Variants in TJP1 observed in about 807,000 individuals in gnomAD.
TJP1 encodes tight junction protein ZO-1.
In TJP1, 43 loss-of-function variants were observed where a neutral mutation model predicts 194.2. The ratio of observed to expected loss-of-function variants is 0.22; its 90% CI spans 0.17 to 0.29. The LOEUF is 0.29. Ranked by LOEUF, TJP1 falls within the 10% of genes least tolerant of loss-of-function variation. TJP1 has a pLI of 1.00. For missense variants in TJP1, 1,971 were observed against 2,185.7 expected (o/e 0.90, Z 1.96); for synonymous variants, 801 against 779.0 (o/e 1.03, Z -0.47).
intron 2 of TJP1, among the ~76,000 whole-genome samples, chr15:29,840,467 C>T (rs1431568959): frequency 2.0e-5 from 3 of 152,102 alleles, no homozygotes; most frequent in Non-Finnish European, 2.9e-5. Context: ...TGAGGATAGA[C>T]GAAGGGGCGA....
chr15:29,703,800 G>T (rs1019956510), intron 27 of TJP1, among the ~76,000 whole-genome samples: 1 of 151,912 alleles, frequency 6.6e-6, no homozygotes, highest in Non-Finnish European at 1.5e-5. Context: ...GTGCCACCAC[G>T]CCTGGCTAAT....
intron 2 of TJP1, among the ~76,000 whole-genome samples, chr15:29,842,155 CA>C (rs1567124927): frequency 6.6e-6 from 1 of 152,116 alleles, no homozygotes; most frequent in Non-Finnish European, 1.5e-5. Flanking sequence ...CGACGTATAA[CA>C]AAAGCAGTTG....
chr15:29,802,996 T>G lies in TJP1; in HGVS notation c.28-2294A>C, dbSNP rs561191585. On this transcript the variant is annotated intron_variant, in intron 1 of 27. Coordinates refer to ENST00000614355, the MANE Select transcript of TJP1 (RefSeq NM_001330239.4). ...TGTTAATCAAATGGGAAAATTTATT[T>G]AACATTAAGGGGGGAGCAGGTTGTA... Among the ~76,000 whole-genome samples, 27 of 152,274 alleles carry G rather than the reference T, an allele frequency of 1.8e-4. No homozygotes were observed. The South Asian group carries it at 5.6e-3, about 32-fold the overall frequency.
At chr15:29,755,468 A>G (rs1379826131) in intron 8 of TJP1, among the ~76,000 whole-genome samples, 1 of 152,204 alleles carries the variant, frequency 6.6e-6, no homozygotes, top group Non-Finnish European at 1.5e-5. Flanking sequence ...TAGGCTAAAA[A>G]TTTCTGATTC....
intron 8 of TJP1, chr15:29,759,351 C>G (rs1192029874): frequency 1.3e-5 from 2 of 152,100 alleles, no homozygotes; most frequent in Admixed American, 6.6e-5. Flanking sequence ...TACTGAGGTC[C>G]AATTGACAAA....
At chr15:29,823,936 A>C (rs1223413152), upstream of TJP1, 1 of 151,388 alleles carries the variant, frequency 6.6e-6, no homozygotes, top group African/African-American at 2.4e-5. Flanking sequence ...AAATACAAAA[A>C]TTAGCCTGGT....
chr15:29,734,506 C>CA (rs2043893884), intron 11 of TJP1, 124 bp from the exon 12 acceptor site: 2 of 644,002 alleles, frequency 3.1e-6, no homozygotes, highest in Non-Finnish European at 5.0e-6. Context: ...TTTTTTGAGA[C>CA]AGAGTCTCGC....
intron 5 of TJP1, among the ~76,000 whole-genome samples, chr15:29,763,579 C>CTA (rs1047316905): frequency 1.8e-4 from 28 of 151,770 alleles, no homozygotes; most frequent in African/African-American, 6.8e-4. Flanking sequence ...ACCAGCCTGG[C>CTA]TAGCATGGTA....
At chr15:29,921,116 A>T (rs1440868989) in intron 2 of TJP1, among the ~76,000 whole-genome samples, 2 of 152,120 alleles carry the variant, frequency 1.3e-5, no homozygotes, top group Non-Finnish European at 1.5e-5. Context: ...TGTCAGGGAG[A>T]GTGGGAGGGA....
chr15:29,886,604 A>T (rs969586737), intron 2 of TJP1, among the ~76,000 whole-genome samples: 7 of 142,910 alleles, frequency 4.9e-5, no homozygotes, highest in African/African-American at 1.9e-4. Flanking sequence ...GCCATGTCTT[A>T]AAAAAAAAAG....
At chr15:29,835,624 T>C (rs999238587) in intron 2 of TJP1, among the ~76,000 whole-genome samples, 1 of 148,648 alleles carries the variant, frequency 6.7e-6, no homozygotes, top group Admixed American at 6.9e-5. Flanking sequence ...CACTCCAGCC[T>C]AGGCCACAGG....
chr15:29,839,653 TAATAA>T (rs1043186402), intron 2 of TJP1, among the ~76,000 whole-genome samples: 1 of 152,058 alleles, frequency 6.6e-6, no homozygotes, highest in African/African-American at 2.4e-5. Context: ...AAAATATAAA[TAATAA>T]AATAACAAGA....
chr15:29,702,901 T>C (rs1252359063), intron 27 of TJP1, among the ~76,000 whole-genome samples: 2 of 152,208 alleles, frequency 1.3e-5, no homozygotes, highest in Non-Finnish European at 2.9e-5. Context: ...ATTTGGAAGC[T>C]AGACTTTAAA....
intron 15 of TJP1, among the ~76,000 whole-genome samples, chr15:29,729,895 G>C (rs1348858170): frequency 6.6e-6 from 1 of 151,714 alleles, no homozygotes; most frequent in Admixed American, 6.6e-5. Context: ...CAACTCTCTG[G>C]AAAGCAGAAA....
intron 4 of TJP1, among the ~76,000 whole-genome samples, chr15:29,770,572 T>A (rs2046599939): frequency 6.7e-6 from 1 of 149,766 alleles, no homozygotes; most frequent in Non-Finnish European, 1.5e-5. Flanking sequence ...AAAAATTAGC[T>A]CTGGTGGCGG....
intron 2 of TJP1, among the ~76,000 whole-genome samples, chr15:29,930,212 G>A (rs1309004266): frequency 1.3e-5 from 2 of 152,070 alleles, no homozygotes; most frequent in Non-Finnish European, 2.9e-5. Flanking sequence ...GACTATTACA[G>A]ATGACAGAAA....
intron 2 of TJP1, among the ~76,000 whole-genome samples, chr15:29,902,229 C>T (rs1253105829): frequency 6.6e-6 from 1 of 151,800 alleles, no homozygotes; most frequent in East Asian, 1.9e-4. Context: ...TAAAGAAATG[C>T]ACTTTTTAAA....
At chr15:29,931,279 C>T (rs1522643) in intron 2 of TJP1, among the ~76,000 whole-genome samples, 29,217 of 151,956 alleles carry the variant, frequency 0.19, 2,921 homozygotes, top group East Asian at 0.35. Context: ...GGGGTTGATC[C>T]TGCTGTCTCA....
intron 2 of TJP1, among the ~76,000 whole-genome samples, chr15:29,944,698 A>T (rs966210633): frequency 6.6e-6 from 1 of 152,190 alleles, no homozygotes; most frequent in Non-Finnish European, 1.5e-5. Context: ...TAAATTTTAA[A>T]TCAATCGGAT....
Sources: allele counts gnomAD v4.1 joint callset (sites outside exome capture counted in the v4.1 genomes callset), GRCh38; gene constraint gnomAD v4.1.1; transcripts MANE v1.5; gene names NCBI Gene and HGNC (gene_info 2026-07-23, HGNC 2026-07-21).